The following IGF2BP1 variants were observed in gnomAD, a reference collection of about 807,000 sequenced individuals.
IGF2BP1 encodes insulin-like growth factor 2 mRNA-binding protein 1.
In IGF2BP1, 11 loss-of-function variants were observed where a neutral mutation model predicts 74.9. The ratio of observed to expected loss-of-function variants is 0.15; its 90% CI spans 0.09 to 0.24. The LOEUF is 0.24. IGF2BP1 is among the 10% of genes least tolerant of loss of function. The pLI, the probability that IGF2BP1 is intolerant of heterozygous loss-of-function variation, is 1.00. For synonymous variants in IGF2BP1, 287 were observed against 281.8 expected (o/e 1.02, Z -0.18); for missense variants, 440 against 757.4 (o/e 0.58, Z 4.92).
chr17:49,032,023 A>C lies in IGF2BP1; in HGVS notation c.401+50A>C, dbSNP rs1163528813. The C allele has an allele frequency of 3.4e-6, 5 of 1,480,802 alleles. No homozygotes were observed. In the Admixed American group the frequency reaches 6.7e-5, roughly 20 times the overall value. The allele number at this position is 1,480,802 out of a possible 1,614,324, so 91.7% of individuals were successfully genotyped here. ...GGGTGCGGTGGGGGGGGGTTCTGTG[A>C]AGGGTGGTGTGAGCCTGGTCCCACT... On this transcript the variant is annotated intron_variant, in intron 5 of 14. Coordinates refer to ENST00000290341, the MANE Select transcript of IGF2BP1 (RefSeq NM_006546.4).
intron 2 of IGF2BP1, 129 bp downstream of exon 2, chr17:48,999,298 T>G (rs2143904166): frequency 1.5e-4 from 91 of 597,578 alleles, no homozygotes; most frequent in East Asian, 2.2e-4. Context: ...CAACTCCGGA[T>G]GTTGGGGGCA....
intron 10 of IGF2BP1, 101 bp from the exon 11 acceptor site, chr17:49,043,866 G>A: frequency 6.6e-7 from 1 of 1,515,176 alleles, no homozygotes; most frequent in East Asian, 2.3e-5. Flanking sequence ...GCGGTTTGGT[G>A]CCTGTACTCC....
chr17:49,003,855 G>T (rs1394635541), intron 2 of IGF2BP1, among the ~76,000 whole-genome samples: 1 of 151,988 alleles, frequency 6.6e-6, no homozygotes, highest in Non-Finnish European at 1.5e-5. Context: ...AAAGGGGAGC[G>T]GCTGGAGTCT....
At position 49,050,863 on chromosome 17, in the gene IGF2BP1, C is replaced by T. The variant is rs1323556188; in HGVS notation, c.*1419C>T. 6.6e-6 allele frequency: 1 copy of T among 152,600 alleles called. No individual in the cohort carries two copies. Among genetic ancestry groups the T allele is most frequent in the African/African-American group, 2.4e-5 (1 of 41,428 alleles). The allele number at this position is 152,600 out of a possible 1,614,324, so 9.5% of individuals were successfully genotyped here. A position where few individuals can be genotyped will look rare whatever the true frequency, so the allele number is the denominator to read the frequency against. On this transcript the variant is annotated 3_prime_UTR_variant, in exon 15 of 15. Coordinates refer to ENST00000290341, the MANE Select transcript of IGF2BP1 (RefSeq NM_006546.4). ...AGTTAAATGAGGTTAGGCCTCTCCT[C>T]CTAATATACTGATTGACAATGCATA...
At chr17:49,045,441 T>G (rs1281933610) in intron 12 of IGF2BP1, among the ~76,000 whole-genome samples, 3 of 152,182 alleles carry the variant, frequency 2.0e-5, no homozygotes, top group African/African-American at 7.2e-5. Flanking sequence ...AACCATCAAC[T>G]AGCTTAACCT....
Position 49,055,155 on chromosome 17 carries a change from A to G in IGF2BP1, c.*5711A>G, listed in dbSNP as rs56112814. ...AAAAAATAAAATTAAAAAAAAAAAAACCAAAAAAAAAAATTTTTTTTTAAA... is the reference window on the plus strand; with the variant it reads ...AAAAAATAAAATTAAAAAAAAAAAAGCCAAAAAAAAAAATTTTTTTTTAAA... On this transcript the variant is annotated 3_prime_UTR_variant, in exon 15 of 15. Transcript: ENST00000290341. 2 of 72,762 alleles carry G rather than the reference A, an allele frequency of 2.7e-5. No individual in the cohort carries two copies. Among genetic ancestry groups the G allele is most frequent in the African/African-American group, 1.4e-4 (2 of 14,274 alleles). The allele number at this position is 72,762 out of a possible 1,614,324, so 4.5% of individuals were successfully genotyped here. A position where few individuals can be genotyped will look rare whatever the true frequency, so the allele number is the denominator to read the frequency against.
In IGF2BP1 at chr17:49,053,021, G is replaced by A. The variant is rs960529186; in HGVS notation, c.*3577G>A. On this transcript the variant is annotated 3_prime_UTR_variant, in exon 15 of 15. Transcript: ENST00000290341. ...GGTTGCCTTTTGCAGTTTGGGTTGT[G>A]GACTCAGCTCCTGTGAGGGGTCTGG... The A allele has an allele frequency of 6.6e-6, 1 of 152,160 alleles. No homozygotes were observed. The highest frequency in any genetic ancestry group is 1.5e-5 in the Non-Finnish European group (1 of 68,034). The allele number at this position is 152,160 out of a possible 1,614,324, so 9.4% of individuals were successfully genotyped here.
intron 12 of IGF2BP1, 77 bp from the exon 13 acceptor site, chr17:49,045,813 G>A: frequency 6.7e-7 from 1 of 1,502,896 alleles, no homozygotes; most frequent in Non-Finnish European, 9.0e-7. Flanking sequence ...AATATGGGCT[G>A]GAGCTTCCTT....
At position 49,041,422 on chromosome 17, in the gene IGF2BP1, T is replaced by C. The variant is rs1255053882; in HGVS notation, c.863T>C (p.Val288Ala). 1 of 1,613,988 alleles carries C rather than the reference T, an allele frequency of 6.2e-7. No individual in the cohort carries two copies. Among genetic ancestry groups the C allele is most frequent in the Admixed American group, 1.7e-5 (1 of 59,996 alleles). The change falls in exon 8 of 15, where the codon GTA (valine) becomes GCA (alanine). Residue 288 changes from valine (V) to alanine (A), a missense_variant. Physicochemically the swap from Val to Ala is moderately conservative, Grantham distance 64 (BLOSUM62 0). This residue lies in a region of IGF2BP1 where 184 missense variants were observed against 273.4 expected (regional missense o/e 0.67). Coordinates refer to ENST00000290341, the MANE Select transcript of IGF2BP1 (RefSeq NM_006546.4). ...PLKILAHNNFVGRLIGKEGRN... is the reference protein window; with the variant it reads ...PLKILAHNNFAGRLIGKEGRN... ...AAGATCCTGGCCCATAATAACTTTG[T>C]AGGGCGTCTCATTGGCAAGGAAGGA... is the stretch of plus-strand genomic sequence containing the variant.
intron 2 of IGF2BP1, among the ~76,000 whole-genome samples, chr17:49,024,083 ATTTTTTTTTTTT>A (rs765273098): frequency 4.7e-4 from 37 of 78,102 alleles, no homozygotes; most frequent in African/African-American, 1.2e-3. Flanking sequence ...CACCCTGCTA[ATTTTTTTTTTTT>A]TTTTTTTTTT....
At chr17:49,028,480 T>G (rs1417227759) in intron 4 of IGF2BP1, among the ~76,000 whole-genome samples, 1 of 152,232 alleles carries the variant, frequency 6.6e-6, no homozygotes, top group Admixed American at 6.5e-5. Flanking sequence ...CAGGACTCAC[T>G]GATAACTACT....
intron 2 of IGF2BP1, among the ~76,000 whole-genome samples, chr17:49,024,362 T>C (rs1289551897): frequency 6.6e-6 from 1 of 152,062 alleles, no homozygotes; most frequent in Non-Finnish European, 1.5e-5. Context: ...TGCAGTGAGC[T>C]GTGTTTATGC....
chr17:49,032,217 A>G (rs1483554470), intron 5 of IGF2BP1, among the ~76,000 whole-genome samples: 2 of 152,178 alleles, frequency 1.3e-5, no homozygotes, highest in African/African-American at 4.8e-5. Context: ...GCAAAAATAC[A>G]TAGAAGGGAG....
intron 2 of IGF2BP1, among the ~76,000 whole-genome samples, chr17:49,005,630 C>T (rs1372940821): frequency 1.3e-5 from 2 of 152,062 alleles, no homozygotes; most frequent in African/African-American, 4.8e-5. Flanking sequence ...GGAAGCTCTA[C>T]ATTTTCTCTT....
At chr17:49,038,895 T>TTTTTTTTTTTTTA (rs71144559) in intron 6 of IGF2BP1, among the ~76,000 whole-genome samples, 1 of 137,382 alleles carries the variant, frequency 7.3e-6, no homozygotes, top group African/African-American at 2.8e-5. Flanking sequence ...TTTTTTTTTT[T>TTTTTTTTTTTTTA]GAGACAGAGT....
chr17:49,025,381 G>C (rs979655818), intron 2 of IGF2BP1, among the ~76,000 whole-genome samples: 1 of 147,292 alleles, frequency 6.8e-6, no homozygotes, highest in Non-Finnish European at 1.5e-5. Flanking sequence ...AGAGTGCTTA[G>C]AACACCTGAT....
upstream of IGF2BP1, chr17:48,997,349 C>T (rs1047252816): frequency 1.9e-5 from 3 of 161,312 alleles, no homozygotes; most frequent in African/African-American, 7.3e-5. The surrounding 1 kb of genome is among the most constrained non-coding windows in gnomAD (Gnocchi z 4.8). Flanking sequence ...GGGCTGTCAC[C>T]ACGTGGCTTC....
intron 5 of IGF2BP1, among the ~76,000 whole-genome samples, chr17:49,032,510 T>C (rs1212907083): frequency 1.3e-5 from 2 of 152,220 alleles, no homozygotes; most frequent in African/African-American, 4.8e-5. Context: ...GATTGAGCAA[T>C]TATGCGTCTC....
intron 2 of IGF2BP1, 51 bp from the exon 3 acceptor site, chr17:49,025,567 C>T: frequency 6.5e-7 from 1 of 1,533,424 alleles, no homozygotes; most frequent in Non-Finnish European, 9.0e-7. Context: ...AGTTCACAGA[C>T]CCCTAATGTA....
Sources: gnomAD v4.1 joint callset for allele counts (sites outside exome capture counted in the v4.1 genomes callset) on GRCh38, gnomAD v4.1.1 for gene constraint, gnomAD v4.1.1 regional missense constraint, Gnocchi (gnomAD v3.1) non-coding constraint, MANE v1.5 for transcripts, NCBI Gene and HGNC (gene_info 2026-07-23, HGNC 2026-07-21) for gene names.